The following CCDC30 variants were observed in gnomAD, a reference collection of about 807,000 sequenced individuals.
CCDC30 encodes the protein coiled-coil domain containing 30.
In CCDC30, 70 loss-of-function variants were observed where a neutral mutation model predicts 100.2. The ratio of observed to expected loss-of-function variants is 0.70; its 90% CI spans 0.58 to 0.85. CCDC30 has a LOEUF of 0.85. Among genes scored for constraint, CCDC30 ranks in the 40% least tolerant of loss-of-function variants. The probability of loss-of-function intolerance (pLI) is 0.00; values close to 1 mark genes in which losing one functional copy is unlikely to be tolerated. For missense variants in CCDC30, 652 were observed against 771.2 expected, an observed-to-expected ratio of 0.85 and a Z score of 1.83; for synonymous variants, 233 against 269.5, an observed-to-expected ratio of 0.86 and a Z score of 1.33.
At chr1:42,568,687 G>A (rs1645659806) in intron 7 of CCDC30, among the ~76,000 whole-genome samples, 1 of 151,820 alleles carries the variant, frequency 6.6e-6, no homozygotes, top group Admixed American at 6.6e-5. Context: ...AGCACTTTGT[G>A]GGGCTGAGGT....
chr1:42,471,074 G>A (rs960160873), intron 1 of CCDC30, among the ~76,000 whole-genome samples: 7 of 152,178 alleles, frequency 4.6e-5, no homozygotes, highest in Non-Finnish European at 1.5e-5. Flanking sequence ...TGTTGATAAG[G>A]ACTCAGGTGT....
At chr1:42,646,137 T>C in exon 15 of CCDC30, 1 of 1,579,094 alleles carries the variant, frequency 6.3e-7, no homozygotes, top group Non-Finnish European at 8.6e-7. Context: ...AAACTTAGAA[T>C]CTTAAGGAGT....
chr1:42,591,631 C>A (rs1272842559), intron 10 of CCDC30: 7 of 152,324 alleles, frequency 4.6e-5, no homozygotes, highest in African/African-American at 1.7e-4. Context: ...TCTAATAGGG[C>A]AATGCTGAGG....
intron 6 of CCDC30, among the ~76,000 whole-genome samples, chr1:42,546,392 AAAAAAAAATAT>A (rs1645134662): frequency 7.8e-5 from 1 of 12,824 alleles, no homozygotes; most frequent in Non-Finnish European, 2.2e-4. Flanking sequence ...TCTCAAAAAA[AAAAAAAAATAT>A]ATATATATAT....
intron 3 of CCDC30, among the ~76,000 whole-genome samples, chr1:42,487,695 A>G (rs1388502654): frequency 6.6e-6 from 1 of 152,166 alleles, no homozygotes; most frequent in East Asian, 1.9e-4. Flanking sequence ...GGTAACAAAG[A>G]ATGTGGGCAG....
chr1:42,642,747 CA>C, intron 13 of CCDC30, 138 bp downstream of exon 17: 1 of 808,502 alleles, frequency 1.2e-6, no homozygotes, highest in Admixed American at 3.5e-5. Context: ...CTGTTTTTGG[CA>C]GATCATACAA....
At chr1:42,589,480 T>C in exon 10 of CCDC30, 1 of 1,612,406 alleles carries the variant, frequency 6.2e-7, no homozygotes, top group Non-Finnish European at 8.5e-7. Context: ...GAAAATATGA[T>C]GAGGTAAGAA....
Position 42,631,513 on chromosome 1 carries a change from C to T in CCDC30, c.1278-5724C>T, listed in dbSNP as rs913837573. Among the ~76,000 whole-genome samples, 7 of 152,170 alleles carry T rather than the reference C, an allele frequency of 4.6e-5. 1 individual carries two copies. Among genetic ancestry groups the T allele is most frequent in the Admixed American group, 1.3e-4 (2 of 15,280 alleles). On this transcript the variant is annotated intron_variant, in intron 11 of 16. Coordinates refer to ENST00000668663, the Ensembl canonical transcript of CCDC30. ...TATGACCACTCAAGTCCCTGGGCTCCGCAATCAGCAGATGCAAAGCCAGCA... is the reference window on the plus strand; with the variant it reads ...TATGACCACTCAAGTCCCTGGGCTCTGCAATCAGCAGATGCAAAGCCAGCA...
At chr1:42,606,011 A>C (rs1646494948) in intron 10 of CCDC30, among the ~76,000 whole-genome samples, 2 of 152,174 alleles carry the variant, frequency 1.3e-5, no homozygotes, top group Non-Finnish European at 2.9e-5. Flanking sequence ...GAAACATTGA[A>C]AAAGTTAGGC....
At chr1:42,555,924 AG>A (rs1448536419) in intron 6 of CCDC30, among the ~76,000 whole-genome samples, 1 of 152,192 alleles carries the variant, frequency 6.6e-6, no homozygotes, top group African/African-American at 2.4e-5. Flanking sequence ...TCCTGACATC[AG>A]GTGATCCGCC....
chr1:42,640,147 G>C (rs1227194824), intron 12 of CCDC30, among the ~76,000 whole-genome samples: 1 of 152,142 alleles, frequency 6.6e-6, no homozygotes, highest in Non-Finnish European at 1.5e-5. Flanking sequence ...CCAAGGACCA[G>C]AGCACTGAGC....
chr1:42,547,061 C>T (rs1304004666), intron 6 of CCDC30, among the ~76,000 whole-genome samples: 2 of 152,114 alleles, frequency 1.3e-5, no homozygotes, highest in Non-Finnish European at 2.9e-5. Flanking sequence ...ATATTATGCC[C>T]TCTTAAAAGT....
At chr1:42,521,786 T>C (rs1644652012) in intron 6 of CCDC30, among the ~76,000 whole-genome samples, 1 of 151,894 alleles carries the variant, frequency 6.6e-6, no homozygotes, top group Non-Finnish European at 1.5e-5. Flanking sequence ...TTGAGCCTTT[T>C]ATTAATATAT....
the CCDC30 span, chr1:42,457,431 T>C: frequency 8.1e-7 from 1 of 1,230,936 alleles, no homozygotes; most frequent in Non-Finnish European, 1.2e-6. Context: ...GAGATGGCCT[T>C]TCTGCATCTG....
At chr1:42,609,432 A>G (rs1646573209) in intron 10 of CCDC30, among the ~76,000 whole-genome samples, 1 of 152,170 alleles carries the variant, frequency 6.6e-6, no homozygotes, top group African/African-American at 2.4e-5. Context: ...GGGGAGTCAA[A>G]AAAATCATAA....
chr1:42,555,992 C>T (rs1645360623), intron 6 of CCDC30, among the ~76,000 whole-genome samples, 164 bp from the exon 10 acceptor site: 1 of 152,072 alleles, frequency 6.6e-6, no homozygotes, highest in African/African-American at 2.4e-5. Flanking sequence ...GCCCGGCCGA[C>T]TTATGTTTTT....
chr1:42,604,083 A>G (rs1429599250), intron 10 of CCDC30, among the ~76,000 whole-genome samples: 1 of 151,904 alleles, frequency 6.6e-6, no homozygotes, highest in East Asian at 1.9e-4. Context: ...GCTGGGTGGT[A>G]CATGCCTGTA....
At chr1:42,567,711 A>G (rs1645635802) in intron 7 of CCDC30, among the ~76,000 whole-genome samples, 1 of 144,470 alleles carries the variant, frequency 6.9e-6, no homozygotes, top group Non-Finnish European at 1.5e-5. Flanking sequence ...CCCTTCAAGG[A>G]CATTTCTTAG....
chr1:42,579,136 G>GC (rs958682637), intron 8 of CCDC30, among the ~76,000 whole-genome samples: 10 of 151,962 alleles, frequency 6.6e-5, no homozygotes, highest in African/African-American at 2.2e-4. Flanking sequence ...GACTACAGGT[G>GC]CACACCACCA....
Sources: allele counts gnomAD v4.1 joint callset (sites outside exome capture counted in the v4.1 genomes callset), GRCh38; gene constraint gnomAD v4.1.1; transcripts MANE v1.5; gene names NCBI Gene and HGNC (gene_info 2026-07-23, HGNC 2026-07-21).